PHACTR3: variants seen among roughly 807,000 people sequenced by gnomAD.
The protein encoded by PHACTR3 is phosphatase and actin regulator 3.
In PHACTR3, 16 loss-of-function variants were observed where a neutral mutation model predicts 66.8. That is an observed-to-expected ratio of 0.24 (90% CI 0.16 to 0.36). PHACTR3 has a LOEUF of 0.36. PHACTR3 is among the 10% of genes least tolerant of loss of function. The pLI, the probability that PHACTR3 is intolerant of heterozygous loss-of-function variation, is 1.00. For missense variants in PHACTR3, 647 were observed against 719.9 expected (o/e 0.90, Z 1.16); for synonymous variants, 323 against 292.1 (o/e 1.11, Z -1.08).
chr20:59,730,511 G>T (rs7352984), intron 1 of PHACTR3, among the ~76,000 whole-genome samples: 15 of 151,982 alleles, frequency 9.9e-5, no homozygotes, highest in African/African-American at 3.4e-4. Flanking sequence ...GCTTGCTTGC[G>T]GGGTAGGCAG....
At chr20:59,671,274 G>GCT (rs2036188866) in intron 1 of PHACTR3, among the ~76,000 whole-genome samples, 1 of 152,198 alleles carries the variant, frequency 6.6e-6, no homozygotes, top group Non-Finnish European at 1.5e-5. Flanking sequence ...AAGAAGGCTG[G>GCT]GGGTGCGGCT....
intron 1 of PHACTR3, among the ~76,000 whole-genome samples, chr20:59,742,174 C>T (rs191563780): frequency 2.5e-4 from 38 of 152,308 alleles, no homozygotes; most frequent in Admixed American, 2.2e-3. Flanking sequence ...TGAATTTGTG[C>T]GCTGGGGTTT....
intron 7 of PHACTR3, among the ~76,000 whole-genome samples, chr20:59,802,799 A>G (rs1011788536): frequency 2.0e-5 from 3 of 152,200 alleles, no homozygotes; most frequent in Non-Finnish European, 2.9e-5. Flanking sequence ...GTTGGACTAG[A>G]GCTGGTAATA....
chr20:59,667,701 C>T (rs1050471167), intron 1 of PHACTR3, among the ~76,000 whole-genome samples: 2 of 152,204 alleles, frequency 1.3e-5, no homozygotes, highest in Admixed American at 6.5e-5. Context: ...GGTTTTAGAC[C>T]AGAGCGGGTG....
rs182497406 is a variant in PHACTR3 at position 59,752,167 on chromosome 20, C to T, written c.359-3015C>T. ...CTATCTGGTTTCCATGTGGTAGGAACGCCGGGGGACACATGTCTGCACGTG... is the reference window on the plus strand; with the variant it reads ...CTATCTGGTTTCCATGTGGTAGGAATGCCGGGGGACACATGTCTGCACGTG... On this transcript the variant is annotated intron_variant, in intron 3 of 12. Coordinates refer to ENST00000371015, the MANE Select transcript of PHACTR3 (RefSeq NM_080672.5). Among the ~76,000 whole-genome samples, 288 of 152,302 alleles carry T rather than the reference C, an allele frequency of 1.9e-3. 1 individual carries two copies. The highest frequency in any genetic ancestry group is 5.6e-3 in the African/African-American group (232 of 41,564).
intron 1 of PHACTR3, among the ~76,000 whole-genome samples, chr20:59,643,657 C>T (rs183560501): frequency 3.3e-5 from 5 of 152,338 alleles, no homozygotes; most frequent in Admixed American, 3.3e-4. Context: ...ATTAATCCTT[C>T]TTGGCAGTGC....
chr20:59,805,514 C>A (rs1435088569), intron 7 of PHACTR3, among the ~76,000 whole-genome samples: 1 of 152,122 alleles, frequency 6.6e-6, no homozygotes, highest in Non-Finnish European at 1.5e-5. Flanking sequence ...GACCTGGGTC[C>A]AACCCTGGAT....
At chr20:59,583,721 G>T (rs2032929948) in intron 1 of PHACTR3, among the ~76,000 whole-genome samples, 1 of 152,236 alleles carries the variant, frequency 6.6e-6, no homozygotes, top group African/African-American at 2.4e-5. Flanking sequence ...TCCTAGCCTG[G>T]GCCGGGGCTG....
At chr20:59,703,401 A>G (rs2037580330) in intron 1 of PHACTR3, among the ~76,000 whole-genome samples, 2 of 152,186 alleles carry the variant, frequency 1.3e-5, no homozygotes, top group South Asian at 4.1e-4. Context: ...TTTTGCTTTT[A>G]ACAAAGGAAA....
At chr20:59,637,934 T>C (rs1383536158) in intron 1 of PHACTR3, among the ~76,000 whole-genome samples, 2 of 152,186 alleles carry the variant, frequency 1.3e-5, no homozygotes, top group Non-Finnish European at 2.9e-5. Flanking sequence ...ATGAGAGCTC[T>C]AAGAGATTCC....
At chr20:59,814,995 G>T (rs1302066185) in intron 8 of PHACTR3, among the ~76,000 whole-genome samples, 1 of 152,044 alleles carries the variant, frequency 6.6e-6, no homozygotes, top group African/African-American at 2.4e-5. Context: ...AGGGAGTTGG[G>T]GGCTGAGTTC....
chr20:59,790,109 C>CT (rs1408481413), intron 7 of PHACTR3, among the ~76,000 whole-genome samples: 4 of 152,032 alleles, frequency 2.6e-5, no homozygotes, highest in Non-Finnish European at 5.9e-5. Flanking sequence ...TATACATTTC[C>CT]TTTTTTTCTC....
intron 7 of PHACTR3, among the ~76,000 whole-genome samples, chr20:59,793,339 G>T (rs1157615180): frequency 6.6e-6 from 1 of 152,100 alleles, no homozygotes; most frequent in Non-Finnish European, 1.5e-5. Flanking sequence ...TTGGTATTTT[G>T]ATAAAGATTG....
chr20:59,601,166 A>G (rs1037141435), upstream of PHACTR3, among the ~76,000 whole-genome samples: 13 of 152,298 alleles, frequency 8.5e-5, no homozygotes, highest in African/African-American at 3.1e-4. Flanking sequence ...CTCGGCGTCC[A>G]CAGATCTGCT....
chr20:59,781,953 A>AT (rs1481218518), intron 7 of PHACTR3, among the ~76,000 whole-genome samples: 3 of 152,058 alleles, frequency 2.0e-5, no homozygotes, highest in Non-Finnish European at 2.9e-5. Context: ...GGCTTTATAG[A>AT]TTTTTTTTAA....
chr20:59,587,397 AC>A (rs1269016999), intron 1 of PHACTR3, among the ~76,000 whole-genome samples: 3 of 152,138 alleles, frequency 2.0e-5, no homozygotes, highest in Admixed American at 1.3e-4. Context: ...GTACATGTTC[AC>A]CCTTCTCTGA....
chr20:59,686,929 ATGG>A lies in PHACTR3; in HGVS notation c.119-56172_119-56170del, dbSNP rs545538519. ...GGTTGTGATGGTGATGATTGTGATG[ATGG>A]TGGTGATGATGGTGGTGATTGTGAT... On this transcript the variant is annotated intron_variant, in intron 1 of 12. Transcript: ENST00000371015. Among the ~76,000 whole-genome samples, 22 of 140,638 alleles carry A rather than the reference ATGG, an allele frequency of 1.6e-4. No homozygotes were observed. In the South Asian group the frequency reaches 4.5e-3, roughly 29 times the overall value. The allele number at this position is 140,638 out of a possible 152,430, so 92.3% of individuals were successfully genotyped here.
At chr20:59,610,990 C>T (rs6123919) in intron 1 of PHACTR3, among the ~76,000 whole-genome samples, 2 of 152,174 alleles carry the variant, frequency 1.3e-5, no homozygotes, top group African/African-American at 4.8e-5. Flanking sequence ...TTTCCCAGAG[C>T]ACCTGCAATG....
At chr20:59,745,544 C>G (rs1286314238) in intron 2 of PHACTR3, among the ~76,000 whole-genome samples, 1 of 152,254 alleles carries the variant, frequency 6.6e-6, no homozygotes, top group Non-Finnish European at 1.5e-5. Flanking sequence ...TTCCAAACCA[C>G]TATTTTCCTT....
Sources: gnomAD v4.1 joint callset for allele counts (sites outside exome capture counted in the v4.1 genomes callset) on GRCh38, gnomAD v4.1.1 for gene constraint, MANE v1.5 for transcripts, NCBI Gene and HGNC (gene_info 2026-07-23, HGNC 2026-07-21) for gene names.